PPM1G: variants seen among roughly 807,000 people sequenced by gnomAD.
PPM1G encodes the protein protein phosphatase 1G.
Under a neutral mutation model 59.4 loss-of-function variants are expected in PPM1G, and 12 were observed. The observed-to-expected ratio is 0.20, with a 90% CI of 0.13 to 0.33. The LOEUF is 0.33. Among genes scored for constraint, PPM1G ranks in the 10% least tolerant of loss-of-function variants. PPM1G has a pLI of 1.00. For missense variants in PPM1G, 392 were observed against 681.3 expected (o/e 0.58, Z 4.73); for synonymous variants, 245 against 251.9 (o/e 0.97, Z 0.26).
chr2:27,394,837 C>A lies in PPM1G; in HGVS notation c.121-7679G>T, dbSNP rs12621704. Among the ~76,000 whole-genome samples the A allele has an allele frequency of 1.3e-4, 20 of 151,244 alleles. No individual in the cohort carries two copies. The East Asian group carries it at 3.9e-3, about 29-fold the overall frequency. ...CAATTTAGGAGGTTTTTCCTGCACA[C>A]AATGGCCACCCATTTCCAATTAAAC... On this transcript the variant is annotated intron_variant, in intron 1 of 9. Transcript: ENST00000344034.
chr2:27,387,063 T>C, intron 2 of PPM1G, 26 bp downstream of exon 2: 1 of 1,569,738 alleles, frequency 6.4e-7, no homozygotes, highest in Non-Finnish European at 8.8e-7. Flanking sequence ...TCCTAGAATG[T>C]TACCAATATG....
chr2:27,383,692 TG>T lies in PPM1G; in HGVS notation c.967-93del, dbSNP rs1683693829. 7.6e-7 allele frequency: 1 copy of T among 1,323,170 alleles called. No homozygotes were observed. The highest frequency in any genetic ancestry group is 1.0e-6 in the Non-Finnish European group (1 of 964,382). 82.0% of individuals were successfully genotyped at this position (1,323,170 alleles called of 1,614,324 possible). ...ATCGTTCACCTATGCTTGCTTTCAC[TG>T]GGACCCCCAAAAGAGCTTTAACAAA... is the stretch of plus-strand genomic sequence containing the variant. On this transcript the variant is annotated intron_variant, in intron 6 of 9. Transcript: ENST00000344034. This position sits in a 1 kb window ranked among gnomAD's most constrained non-coding sequence, Gnocchi z 5.0.
chr2:27,409,175 G>T, intron 1 of PPM1G, 128 bp downstream of exon 1: 1 of 1,330,576 alleles, frequency 7.5e-7, no homozygotes, highest in Non-Finnish European at 9.8e-7. Flanking sequence ...CTGTCGCCCC[G>T]CAAACGGCCG....
At chr2:27,403,952 T>C (rs186006330) in intron 1 of PPM1G, among the ~76,000 whole-genome samples, 1 of 152,192 alleles carries the variant, frequency 6.6e-6, no homozygotes, top group Non-Finnish European at 1.5e-5. Flanking sequence ...TGGCTATTGA[T>C]ATGAGATGCT....
At chr2:27,386,911 A>C in intron 2 of PPM1G, 178 bp downstream of exon 2, 1 of 553,322 alleles carries the variant, frequency 1.8e-6, no homozygotes, top group Non-Finnish European at 3.3e-6. Flanking sequence ...TGAGATTATA[A>C]ACCAATACAG....
At chr2:27,381,918 A>G in intron 9 of PPM1G, 113 bp from the exon 10 acceptor site, 1 of 1,141,306 alleles carries the variant, frequency 8.8e-7, no homozygotes, top group Non-Finnish European at 1.3e-6. Flanking sequence ...AGGAATGGGC[A>G]AGAGGTATCA....
chr2:27,382,022 G>A lies in PPM1G; in HGVS notation c.1434+104C>T. On this transcript the variant is annotated intron_variant, in intron 9 of 9. Transcript: ENST00000344034. The surrounding 1 kb of genome is among the most constrained non-coding windows in gnomAD (Gnocchi z 4.2). ...TGGAGTCGGGGTTTAGCGTCTGTCA[G>A]CAATTACTGATAATGCTCCCAGATT... 3.3e-6 allele frequency: 4 copies of A among 1,214,188 alleles called. No individual in the cohort carries two copies. Among genetic ancestry groups the A allele is most frequent in the Non-Finnish European group, 4.8e-6 (4 of 832,706 alleles). 75.2% of individuals were successfully genotyped at this position (1,214,188 alleles called of 1,614,324 possible).
intron 1 of PPM1G, among the ~76,000 whole-genome samples, chr2:27,397,995 T>C (rs1428803491): frequency 1.3e-5 from 2 of 152,178 alleles, no homozygotes; most frequent in Admixed American, 6.5e-5. Context: ...ACTCCCCCAG[T>C]TGATCTACAG....
intron 1 of PPM1G, among the ~76,000 whole-genome samples, chr2:27,406,868 C>G (rs772731191): frequency 3.3e-5 from 5 of 152,008 alleles, no homozygotes; most frequent in Non-Finnish European, 5.9e-5. Context: ...TCAAATCTCA[C>G]AACGTTAACA....
At chr2:27,405,496 T>C (rs963782843) in intron 1 of PPM1G, among the ~76,000 whole-genome samples, 1 of 152,006 alleles carries the variant, frequency 6.6e-6, no homozygotes, top group Non-Finnish European at 1.5e-5. Context: ...TCACCCTGGC[T>C]AGAGTGCAGC....
intron 1 of PPM1G, among the ~76,000 whole-genome samples, chr2:27,407,532 G>A: frequency 6.6e-6 from 1 of 152,070 alleles, no homozygotes. Context: ...CTCCCAAAAT[G>A]CTGGGATTAC....
In PPM1G at chr2:27,385,606, G is replaced by T; in HGVS notation, c.409+141C>A. 1 of 1,059,998 alleles carries T rather than the reference G, an allele frequency of 9.4e-7. No homozygotes were observed. The highest frequency in any genetic ancestry group is 1.6e-5 in the African/African-American group (1 of 62,074). The allele number at this position is 1,059,998 out of a possible 1,614,324, so 65.7% of individuals were successfully genotyped here. On this transcript the variant is annotated intron_variant, in intron 4 of 9. Coordinates refer to ENST00000344034, the MANE Select transcript of PPM1G (RefSeq NM_177983.3). The surrounding 1 kb of genome is among the most constrained non-coding windows in gnomAD (Gnocchi z 4.1). ...CCTCCTTTTCATAACCACATACAAT[G>T]CAGGAGAACATCATAGGTTTCTTTA...
At chr2:27,408,004 G>A (rs1284709647) in intron 1 of PPM1G, among the ~76,000 whole-genome samples, 1 of 151,410 alleles carries the variant, frequency 6.6e-6, no homozygotes, top group Non-Finnish European at 1.5e-5. Flanking sequence ...CCGAGATCGC[G>A]CCATTGCATT....
Position 27,385,464 on chromosome 2 carries a change from G to T in PPM1G, c.409+283C>A. The stretch of plus-strand genomic sequence containing the variant: ...GGCTAATAACTGCTCCAGTCTTGAG[G>T]GGAAAAAAAAGCACATAAATACTAG... On this transcript the variant is annotated intron_variant, in intron 4 of 9. Coordinates refer to ENST00000344034, the MANE Select transcript of PPM1G (RefSeq NM_177983.3). This position sits in a 1 kb window ranked among gnomAD's most constrained non-coding sequence, Gnocchi z 4.1. 2.3e-6 allele frequency: 1 copy of T among 436,180 alleles called. No individual in the cohort carries two copies. The highest frequency in any genetic ancestry group is 4.0e-6 in the Non-Finnish European group (1 of 249,722). 27.0% of individuals were successfully genotyped at this position (436,180 alleles called of 1,614,324 possible).
At chr2:27,389,027 A>G (rs1310630346) in intron 1 of PPM1G, among the ~76,000 whole-genome samples, 1 of 152,170 alleles carries the variant, frequency 6.6e-6, no homozygotes, top group East Asian at 1.9e-4. Flanking sequence ...TCCATTCTGA[A>G]TAAGGACAAC....
chr2:27,384,620 C>A lies in PPM1G; in HGVS notation c.825+53G>T. On this transcript the variant is annotated intron_variant, in intron 5 of 9. Coordinates refer to ENST00000344034, the MANE Select transcript of PPM1G (RefSeq NM_177983.3). The surrounding 1 kb of genome is among the most constrained non-coding windows in gnomAD (Gnocchi z 4.8). ...AGAGTTGAAAACTACAGACGGCAAC[C>A]AAACAGGACCTCTCTGCAACTTCAG... 1 of 1,537,252 alleles carries A rather than the reference C, an allele frequency of 6.5e-7. No homozygotes were observed. Among genetic ancestry groups the A allele is most frequent in the South Asian group, 1.3e-5 (1 of 78,862 alleles).
In PPM1G at chr2:27,384,749, C is replaced by G. The variant is rs772264870; in HGVS notation, c.749G>C (p.Arg250Pro). 1 of 1,614,204 alleles carries G rather than the reference C, an allele frequency of 6.2e-7. No homozygotes were observed. ...CTCAAAGAACTTGGACTTAGCAACTCGAGGCAGCTTGTCAGAGGCTGAAGA... is the reference window on the plus strand; with the variant it reads ...CTCAAAGAACTTGGACTTAGCAACTGGAGGCAGCTTGTCAGAGGCTGAAGA... ...SCSSASDKLP[R>P]VAKSKFFEDS... Residue 250 changes from arginine to proline, a missense_variant, in exon 5 of 10, where the codon CGA becomes CCA. By Grantham distance (103) the Arg-to-Pro change is moderately radical. Coordinates refer to ENST00000344034, the MANE Select transcript of PPM1G (RefSeq NM_177983.3). The surrounding 1 kb of genome is among the most constrained non-coding windows in gnomAD (Gnocchi z 4.8).
At chr2:27,405,280 C>G (rs531374879) in intron 1 of PPM1G, among the ~76,000 whole-genome samples, 1 of 152,042 alleles carries the variant, frequency 6.6e-6, no homozygotes, top group Admixed American at 6.6e-5. Flanking sequence ...ACCATATTGG[C>G]CAGAATGATC....
At chr2:27,404,537 G>A (rs1187442863) in intron 1 of PPM1G, among the ~76,000 whole-genome samples, 1 of 149,588 alleles carries the variant, frequency 6.7e-6, no homozygotes, top group East Asian at 2.0e-4. Context: ...GTGACAATGC[G>A]AGACTCCGTT....
Sources: gnomAD v4.1 joint callset for allele counts (sites outside exome capture counted in the v4.1 genomes callset) on GRCh38, gnomAD v4.1.1 for gene constraint, Gnocchi (gnomAD v3.1) non-coding constraint, MANE v1.5 for transcripts, NCBI Gene and HGNC (gene_info 2026-07-23, HGNC 2026-07-21) for gene names.